Variants in ATP8B4 observed in about 807,000 individuals in gnomAD.
The protein encoded by ATP8B4 is ATPase phospholipid transporting 8B4 (putative).
In ATP8B4, 133 loss-of-function variants were observed where a neutral mutation model predicts 145.6. That is an observed-to-expected ratio of 0.91 (90% CI 0.79 to 1.05). ATP8B4 has a LOEUF of 1.05. Among genes scored for constraint, ATP8B4 ranks in the 50% least tolerant of loss-of-function variants. ATP8B4 has a pLI of 0.00. For missense variants in ATP8B4, 1,458 were observed against 1,425.2 expected, an observed-to-expected ratio of 1.02 and a Z score of -0.37; for synonymous variants, 507 against 492.9, an observed-to-expected ratio of 1.03 and a Z score of -0.38.
At chr15:49,876,636 T>C (rs1325462376) in intron 24 of ATP8B4, 113 bp from the exon 25 acceptor site, 1 of 1,402,382 alleles carries the variant, frequency 7.1e-7, no homozygotes, top group Non-Finnish European at 9.9e-7. Flanking sequence ...TAAAATGCAC[T>C]ACTCACTGGG....
intron 6 of ATP8B4, among the ~76,000 whole-genome samples, chr15:50,026,638 T>C: frequency 6.6e-6 from 1 of 152,236 alleles, no homozygotes; most frequent in East Asian, 1.9e-4. Flanking sequence ...AAATGACTGG[T>C]ATCCAATATC....
At chr15:49,972,178 G>A (rs560239311) in intron 13 of ATP8B4, among the ~76,000 whole-genome samples, 5 of 152,216 alleles carry the variant, frequency 3.3e-5, no homozygotes, top group South Asian at 2.1e-4. Flanking sequence ...TGTAGACGAC[G>A]GGTTGATGGG....
At chr15:50,170,500 C>CG (rs1555498982) in intron 1 of ATP8B4, among the ~76,000 whole-genome samples, 2 of 146,978 alleles carry the variant, frequency 1.4e-5, no homozygotes, top group Non-Finnish European at 3.0e-5. Flanking sequence ...ACCAAACCCC[C>CG]CCCACCCTCC....
At chr15:50,084,148 A>T (rs538727274) in intron 2 of ATP8B4, among the ~76,000 whole-genome samples, 1 of 152,310 alleles carries the variant, frequency 6.6e-6, no homozygotes, top group Admixed American at 6.5e-5. Context: ...CCGTGATGTA[A>T]CGAAAAGGAA....
rs1446756135 is a variant in ATP8B4 at position 49,859,351 on chromosome 15, G to A, written c.*843C>T. 6.6e-6 allele frequency: 1 copy of A among 152,210 alleles called. No homozygotes were observed. The highest frequency in any genetic ancestry group is 2.4e-5 in the African/African-American group (1 of 41,456). 9.4% of individuals were successfully genotyped at this position (152,210 alleles called of 1,614,324 possible). A position where few individuals can be genotyped will look rare whatever the true frequency, so the allele number is the denominator to read the frequency against. ...GACTATGTGGAATATTATCATTAAA[G>A]TGTGAAATTCCAGTGCTTTGCTGAT... On this transcript the variant is annotated 3_prime_UTR_variant, in exon 28 of 28. Coordinates refer to ENST00000284509, the MANE Select transcript of ATP8B4 (RefSeq NM_024837.4).
At chr15:50,076,490 C>CAA (rs141820569) in intron 2 of ATP8B4, among the ~76,000 whole-genome samples, 81 of 144,322 alleles carry the variant, frequency 5.6e-4, no homozygotes, top group African/African-American at 1.9e-3. Context: ...GACTCCATCT[C>CAA]AAAAAAAAAA....
chr15:49,998,694 G>T (rs542753304), intron 8 of ATP8B4, among the ~76,000 whole-genome samples: 2 of 152,248 alleles, frequency 1.3e-5, no homozygotes, highest in African/African-American at 4.8e-5. Flanking sequence ...GTAGTTGCCT[G>T]TTCACTCTGA....
upstream of ATP8B4, among the ~76,000 whole-genome samples, chr15:50,119,646 A>G (rs560231560): frequency 6.6e-6 from 1 of 152,094 alleles, no homozygotes; most frequent in African/African-American, 2.4e-5. Context: ...TACCAGGCCT[A>G]CTTACCAAAC....
At chr15:49,915,757 A>T (rs1046122825) in intron 20 of ATP8B4, among the ~76,000 whole-genome samples, 2 of 151,988 alleles carry the variant, frequency 1.3e-5, no homozygotes, top group African/African-American at 2.4e-5. Flanking sequence ...GTAGTAGCTA[A>T]TTAAATTTCC....
At chr15:49,914,574 T>G (rs2039546440) in intron 20 of ATP8B4, among the ~76,000 whole-genome samples, 1 of 152,084 alleles carries the variant, frequency 6.6e-6, no homozygotes, top group African/African-American at 2.4e-5. Flanking sequence ...TGCAAAGTAT[T>G]CATCTAACAA....
intron 6 of ATP8B4, among the ~76,000 whole-genome samples, chr15:50,025,317 C>T (rs2049924546): frequency 6.6e-6 from 1 of 152,176 alleles, no homozygotes; most frequent in African/African-American, 2.4e-5. Context: ...GAAAAAGACC[C>T]AAACTCTTAA....
Position 49,918,885 on chromosome 15 carries a change from TA to T in ATP8B4, c.1988del (p.Leu663TyrfsTer3). On this transcript the variant is annotated frameshift_variant, in exon 19 of 28. Transcript: ENST00000284509. LOFTEE classifies it high-confidence loss of function. ...CCCAGATCTTAATATTGGCTAGTGA[TA>T]AACTTGTAACTGTTTCAATAACACC... The part of the protein sequence containing the change: ...QEGVIETVTS[L>X]SLANIKIWVL... 2 of 1,613,782 alleles carry T rather than the reference TA, an allele frequency of 1.2e-6. No homozygotes were observed. The highest frequency in any genetic ancestry group is 1.7e-6 in the Non-Finnish European group (2 of 1,179,756).
intron 1 of ATP8B4, among the ~76,000 whole-genome samples, chr15:50,141,907 G>C (rs755995759): frequency 2.0e-5 from 3 of 152,208 alleles, no homozygotes; most frequent in Non-Finnish European, 4.4e-5. Context: ...CACTGTGAGA[G>C]AGGTGTTGCG....
At chr15:49,957,907 T>C (rs1030646340) in intron 14 of ATP8B4, among the ~76,000 whole-genome samples, 9 of 151,762 alleles carry the variant, frequency 5.9e-5, no homozygotes, top group African/African-American at 2.2e-4. Context: ...ATTAACAAGA[T>C]AGAGCTAAAT....
intron 1 of ATP8B4, among the ~76,000 whole-genome samples, chr15:50,165,871 C>T (rs934504567): frequency 6.6e-6 from 1 of 151,552 alleles, no homozygotes; most frequent in African/African-American, 2.4e-5. Flanking sequence ...AGAGAGATAA[C>T]AGAACAGATA....
intron 14 of ATP8B4, among the ~76,000 whole-genome samples, chr15:49,947,308 G>C (rs1367950154): frequency 6.6e-6 from 1 of 151,960 alleles, no homozygotes; most frequent in Non-Finnish European, 1.5e-5. Flanking sequence ...ACACGTGCCT[G>C]TAGTCCCAGC....
chr15:49,920,963 TG>T (rs2040205627), intron 17 of ATP8B4, among the ~76,000 whole-genome samples: 1 of 152,180 alleles, frequency 6.6e-6, no homozygotes, highest in African/African-American at 2.4e-5. Context: ...GTCCTACTTT[TG>T]CATATGCTTG....
chr15:50,003,274 A>ATGTGTGTGTGTGTGTG lies in ATP8B4; in HGVS notation c.436-1067_436-1052dup, dbSNP rs10539979. Among the ~76,000 whole-genome samples, 16 of 141,194 alleles carry ATGTGTGTGTGTGTGTG rather than the reference A, an allele frequency of 1.1e-4. No homozygotes were observed. In the East Asian group the frequency reaches 1.3e-3, roughly 11 times the overall value. The allele number at this position is 141,194 out of a possible 152,430, so 92.6% of individuals were successfully genotyped here. A position where few individuals can be genotyped will look rare whatever the true frequency, so the allele number is the denominator to read the frequency against. ...TTTGCAACTCAAAAATAGGGTGTGCATGTGTGTGTGTGTGTGTGTGTGTGT... is the reference window on the plus strand; with the variant it reads ...TTTGCAACTCAAAAATAGGGTGTGCATGTGTGTGTGTGTGTGTGTGTGTGTGTGTGTGTGTGTGTGT... On this transcript the variant is annotated intron_variant, in intron 7 of 27. Coordinates refer to ENST00000284509, the MANE Select transcript of ATP8B4 (RefSeq NM_024837.4).
chr15:49,954,872 C>T (rs765332954), intron 14 of ATP8B4, among the ~76,000 whole-genome samples: 7 of 152,112 alleles, frequency 4.6e-5, no homozygotes, highest in Non-Finnish European at 8.8e-5. Flanking sequence ...CACCTACACC[C>T]ATATGCCTAT....
Sources: gnomAD v4.1 joint callset for allele counts (sites outside exome capture counted in the v4.1 genomes callset) on GRCh38, gnomAD v4.1.1 for gene constraint, MANE v1.5 for transcripts, NCBI Gene and HGNC (gene_info 2026-07-23, HGNC 2026-07-21) for gene names.